The following NR2C2 variants were observed in gnomAD, a reference collection of about 807,000 sequenced individuals.
NR2C2 encodes the protein Nuclear hormone receptor TR4.
NR2C2 carries 6 observed loss-of-function variants against 62.9 expected under a neutral mutation model. The ratio of observed to expected loss-of-function variants is 0.10; its 90% CI spans 0.05 to 0.19. The LOEUF is 0.19. Among genes scored for constraint, NR2C2 ranks in the 10% least tolerant of loss-of-function variants. The pLI is 1.00. For synonymous variants in NR2C2, 272 were observed against 273.8 expected, an observed-to-expected ratio of 0.99 and a Z score of 0.07; for missense variants, 479 against 762.7, an observed-to-expected ratio of 0.63 and a Z score of 4.38.
chr3:14,967,116 TC>T (rs1304046351), intron 1 of NR2C2, among the ~76,000 whole-genome samples: 22 of 152,192 alleles, frequency 1.4e-4, no homozygotes, highest in Non-Finnish European at 1.6e-4. Flanking sequence ...TTTGTTCATT[TC>T]ATCTAAGTTA....
chr3:14,970,152 T>G lies in NR2C2; in HGVS notation c.-40+22246T>G, dbSNP rs568877648. ...CACTCTTACCCTTTATCACCAAGCC[T>G]CCTCTAAATTTGATTTCTTCTGGTA... is the stretch of plus-strand genomic sequence containing the variant. On this transcript the variant is annotated intron_variant, in intron 1 of 13. Transcript: ENST00000425241. Among the ~76,000 whole-genome samples, 9 of 151,718 alleles carry G rather than the reference T, an allele frequency of 5.9e-5. No individual in the cohort carries two copies. In the East Asian group the frequency reaches 1.2e-3, roughly 20 times the overall value.
At chr3:15,020,520 C>G (rs756892658) in intron 4 of NR2C2, among the ~76,000 whole-genome samples, 4 of 152,146 alleles carry the variant, frequency 2.6e-5, no homozygotes, top group Non-Finnish European at 4.4e-5. Context: ...TATAACCTGT[C>G]TGAGTTTCAG....
chr3:14,986,142 A>G (rs528424518), intron 1 of NR2C2, among the ~76,000 whole-genome samples: 3 of 152,244 alleles, frequency 2.0e-5, no homozygotes, highest in African/African-American at 7.2e-5. Flanking sequence ...TTACTGTACC[A>G]AGGTGATACT....
chr3:14,954,256 A>T (rs2039455785), intron 1 of NR2C2, among the ~76,000 whole-genome samples: 2 of 152,192 alleles, frequency 1.3e-5, no homozygotes, highest in African/African-American at 2.4e-5. Context: ...ATTTAATATA[A>T]TACAGATTTT....
intron 5 of NR2C2, among the ~76,000 whole-genome samples, chr3:15,022,398 C>CTTTTTTTTT (rs71038450): frequency 4.6e-4 from 41 of 89,052 alleles, no homozygotes; most frequent in South Asian, 8.8e-4. Context: ...CTTTTTCTTT[C>CTTTTTTTTT]TTTTTTTTTT....
intron 4 of NR2C2, among the ~76,000 whole-genome samples, chr3:15,019,533 G>A (rs552322243): frequency 4.3e-4 from 66 of 152,218 alleles, no homozygotes; most frequent in African/African-American, 1.4e-3. Flanking sequence ...ATCCAACAGC[G>A]GATGAATGGA....
chr3:14,981,527 C>T (rs1273026761), intron 1 of NR2C2, among the ~76,000 whole-genome samples: 1 of 147,114 alleles, frequency 6.8e-6, no homozygotes, highest in East Asian at 2.0e-4. Flanking sequence ...GGCATGAACC[C>T]AGGAGGTGGA....
intron 1 of NR2C2, among the ~76,000 whole-genome samples, chr3:15,000,971 C>A (rs988058314): frequency 1.3e-5 from 2 of 151,464 alleles, no homozygotes; most frequent in South Asian, 2.1e-4. Flanking sequence ...CCCGTCACCA[C>A]GCCCGGCTAA....
At chr3:14,988,815 C>T (rs555066752) in intron 1 of NR2C2, among the ~76,000 whole-genome samples, 1 of 152,170 alleles carries the variant, frequency 6.6e-6, no homozygotes, top group East Asian at 1.9e-4. Context: ...TTCATCCATT[C>T]ATCACATATG....
At chr3:15,029,096 ATTTTTCT>A (rs201261466) in intron 8 of NR2C2, among the ~76,000 whole-genome samples, 8,854 of 144,578 alleles carry the variant, frequency 0.061, 915 homozygotes, top group African/African-American at 0.21. Context: ...TCTCATCTAT[ATTTTTCT>A]TTTTTCTTTT....
In NR2C2 at chr3:15,016,086, G is replaced by A. The variant is rs887709734; in HGVS notation, c.274-66G>A. The A allele has an allele frequency of 3.0e-5, 38 of 1,250,418 alleles. 1 individual carries two copies. Among genetic ancestry groups the A allele is most frequent in the Non-Finnish European group, 5.9e-6 (5 of 852,182 alleles). 77.5% of individuals were successfully genotyped at this position (1,250,418 alleles called of 1,614,324 possible). A position where few individuals can be genotyped will look rare whatever the true frequency, so the allele number is the denominator to read the frequency against. On this transcript the variant is annotated intron_variant, in intron 3 of 13. Transcript: ENST00000425241. ...CAAAGTGCTGGGATTATAGACGTGA[G>A]CCACCGTGCCCGGCAGTGATTTGAT...
At chr3:15,010,076 G>A (rs2041305841) in intron 2 of NR2C2, among the ~76,000 whole-genome samples, 1 of 152,132 alleles carries the variant, frequency 6.6e-6, no homozygotes, top group African/African-American at 2.4e-5. Flanking sequence ...ATTATGGCTG[G>A]AATGTATCTT....
intron 2 of NR2C2, among the ~76,000 whole-genome samples, chr3:15,007,437 T>C (rs1245226483): frequency 2.0e-5 from 3 of 152,226 alleles, no homozygotes; most frequent in Non-Finnish European, 4.4e-5. Flanking sequence ...CCCTGACCTC[T>C]CTTTTTAAAG....
Position 15,023,333 on chromosome 3 carries a change from C to G in NR2C2, c.690C>G (p.Asp230Glu). The change falls in exon 6 of 14, where the codon GAC (aspartate) becomes GAG (glutamate). Residue 230 changes from aspartate (D) to glutamate (E), a missense_variant. Asp to Glu is a conservative substitution (Grantham distance 45). Transcript: ENST00000425241. ...TAGCTACTCCCACGTTTGTGGCAGA[C>G]AAAGATGGAGCAAGGTCAGTCCCTT... ...PLIATPTFVA[D>E]KDGARQTGLL... The G allele has an allele frequency of 6.2e-7, 1 of 1,614,138 alleles. No individual in the cohort carries two copies.
At chr3:15,012,678 G>C (rs2041389819) in intron 2 of NR2C2, among the ~76,000 whole-genome samples, 1 of 152,208 alleles carries the variant, frequency 6.6e-6, no homozygotes, top group East Asian at 1.9e-4. Context: ...GTAAGGGTCT[G>C]CTGGTGCCTG....
chr3:15,044,536 TGAGAACA>T lies in NR2C2; in HGVS notation c.*1530_*1536del, dbSNP rs2042383957. ...GAATATATAGCAAGCTTTTCCTGTT[TGAGAACA>T]GTGGCATGTGGAAGACCCGGTCAAT... On this transcript the variant is annotated 3_prime_UTR_variant, in exon 14 of 14. Transcript: ENST00000425241. 6.6e-6 allele frequency: 1 copy of T among 152,258 alleles called. No homozygotes were observed. Among genetic ancestry groups the T allele is most frequent in the African/African-American group, 2.4e-5 (1 of 41,470 alleles). The allele number at this position is 152,258 out of a possible 1,614,324, so 9.4% of individuals were successfully genotyped here. A position where few individuals can be genotyped will look rare whatever the true frequency, so the allele number is the denominator to read the frequency against.
intron 1 of NR2C2, among the ~76,000 whole-genome samples, chr3:14,965,861 C>T (rs1325904142): frequency 1.3e-5 from 2 of 151,910 alleles, no homozygotes; most frequent in Non-Finnish European, 2.9e-5. Flanking sequence ...GACAGGGTTT[C>T]GCCTTGTTGG....
chr3:15,029,170 CTT>C (rs1162751454), intron 8 of NR2C2, among the ~76,000 whole-genome samples: 2 of 148,124 alleles, frequency 1.4e-5, no homozygotes, highest in Admixed American at 6.8e-5. Flanking sequence ...GTCTAGAACT[CTT>C]GGGCTCAAGT....
At chr3:14,991,506 TA>T (rs2040669494) in intron 1 of NR2C2, among the ~76,000 whole-genome samples, 1 of 152,180 alleles carries the variant, frequency 6.6e-6, no homozygotes, top group African/African-American at 2.4e-5. Flanking sequence ...TTACCCTACT[TA>T]AGGGTTTTAC....
Sources: allele counts gnomAD v4.1 joint callset (sites outside exome capture counted in the v4.1 genomes callset), GRCh38; gene constraint gnomAD v4.1.1; transcripts MANE v1.5; gene names NCBI Gene and HGNC (gene_info 2026-07-23, HGNC 2026-07-21).